The following CPNE4 variants were observed in gnomAD, a reference collection of about 807,000 sequenced individuals.
CPNE4 encodes the protein copine 4.
Under a neutral mutation model 67.9 loss-of-function variants are expected in CPNE4, and 25 were observed. That is an observed-to-expected ratio of 0.37 (90% CI 0.27 to 0.51). CPNE4 has a LOEUF of 0.51. Among genes scored for constraint, CPNE4 ranks in the 20% least tolerant of loss-of-function variants. CPNE4 has a pLI of 0.93. For synonymous variants in CPNE4, 242 were observed against 244.9 expected (o/e 0.99, Z 0.11); for missense variants, 464 against 690.8 (o/e 0.67, Z 3.68).
chr3:131,871,982 C>T (rs1583377019), intron 2 of CPNE4, among the ~76,000 whole-genome samples: 1 of 152,262 alleles, frequency 6.6e-6, no homozygotes, highest in Admixed American at 6.5e-5. Context: ...TCCTGCCCCA[C>T]ATATCCTTCT....
intron 2 of CPNE4, among the ~76,000 whole-genome samples, chr3:131,826,360 T>TA (rs891420380): frequency 9.3e-5 from 14 of 150,510 alleles, no homozygotes; most frequent in African/African-American, 1.2e-4. Context: ...CCTGGTTAAT[T>TA]AAAAAAAAAA....
chr3:131,890,337 T>C (rs1275828887), intron 2 of CPNE4, among the ~76,000 whole-genome samples: 1 of 151,738 alleles, frequency 6.6e-6, no homozygotes, highest in Non-Finnish European at 1.5e-5. Context: ...TATAAAAACG[T>C]GCTTAACATC....
upstream of CPNE4, among the ~76,000 whole-genome samples, chr3:132,037,060 C>T (rs2074352286): frequency 6.6e-6 from 1 of 152,134 alleles, no homozygotes; most frequent in East Asian, 1.9e-4. Context: ...GAAGCAGTCT[C>T]TAAAGGGGCA....
chr3:131,557,039 C>G (rs1582791218), intron 11 of CPNE4, among the ~76,000 whole-genome samples: 1 of 151,966 alleles, frequency 6.6e-6, no homozygotes, highest in South Asian at 2.1e-4. Context: ...AAGCCCATAC[C>G]TTTCTGTTAT....
At chr3:131,921,780 C>T (rs192873982) in intron 1 of CPNE4, among the ~76,000 whole-genome samples, 16 of 152,234 alleles carry the variant, frequency 1.1e-4, no homozygotes, top group African/African-American at 3.9e-4. Context: ...AAAGAGAGTT[C>T]TGCAAGTAGA....
At chr3:131,694,675 G>A (rs2081109418) in intron 5 of CPNE4, among the ~76,000 whole-genome samples, 2 of 152,264 alleles carry the variant, frequency 1.3e-5, no homozygotes, top group Middle Eastern at 3.4e-3. Flanking sequence ...TCTAAAGGAA[G>A]TGTGACTACC....
intron 6 of CPNE4, 58 bp downstream of exon 6, chr3:131,685,817 T>C (rs1035241004): frequency 8.7e-7 from 1 of 1,153,970 alleles, no homozygotes; most frequent in Admixed American, 2.0e-5. Context: ...TTTCTCAAAA[T>C]AGGTCAATTT....
chr3:131,936,890 A>T lies in CPNE4; in HGVS notation c.-1-31446T>A, dbSNP rs190751516. On this transcript the variant is annotated intron_variant, in intron 1 of 15. Transcript: ENST00000429747. ...GAAGGGAAAAAACCAGAGACAAAGG[A>T]GAAATTTTAAAAGACACTAGAAGAG... Among the ~76,000 whole-genome samples the T allele has an allele frequency of 2.0e-3, 304 of 152,028 alleles. 3 individuals are homozygous for T. Among genetic ancestry groups the T allele is most frequent in the Non-Finnish European group, 4.6e-4 (31 of 67,948 alleles).
chr3:131,743,850 C>G (rs1235133899), intron 2 of CPNE4, among the ~76,000 whole-genome samples: 3 of 149,354 alleles, frequency 2.0e-5, no homozygotes, highest in Non-Finnish European at 4.4e-5. Context: ...GTAGTCCCAG[C>G]TACTCGGGAG....
At chr3:131,771,486 A>G (rs369013431) in intron 2 of CPNE4, among the ~76,000 whole-genome samples, 2 of 152,052 alleles carry the variant, frequency 1.3e-5, no homozygotes, top group African/African-American at 4.8e-5. Flanking sequence ...GTAACTTCCC[A>G]TAAGAGCTGA....
At chr3:131,918,717 GTT>G (rs927570974) in intron 1 of CPNE4, among the ~76,000 whole-genome samples, 1 of 152,002 alleles carries the variant, frequency 6.6e-6, no homozygotes, top group Non-Finnish European at 1.5e-5. Context: ...ACATAAAACA[GTT>G]TTTTTGTAAC....
chr3:131,850,138 A>T (rs1012714246), intron 2 of CPNE4, among the ~76,000 whole-genome samples: 3 of 152,132 alleles, frequency 2.0e-5, no homozygotes, highest in Admixed American at 1.3e-4. Context: ...CTGAATTTTA[A>T]AACATTTTTA....
At chr3:131,894,728 T>A (rs2088254950) in intron 2 of CPNE4, among the ~76,000 whole-genome samples, 1 of 151,910 alleles carries the variant, frequency 6.6e-6, no homozygotes, top group Admixed American at 6.6e-5. Context: ...TTGGCAAGGA[T>A]GTAAAGAAGA....
At chr3:131,815,355 T>A (rs1457934588) in intron 2 of CPNE4, among the ~76,000 whole-genome samples, 1 of 152,042 alleles carries the variant, frequency 6.6e-6, no homozygotes, top group Non-Finnish European at 1.5e-5. Context: ...GAAAATGGGG[T>A]TAACTTTAGG....
At chr3:131,567,314 G>C (rs552130396) in intron 10 of CPNE4, among the ~76,000 whole-genome samples, 2 of 152,008 alleles carry the variant, frequency 1.3e-5, no homozygotes, top group African/African-American at 4.8e-5. Flanking sequence ...ATCTGAGCCA[G>C]AGTATATCAC....
At chr3:131,690,941 A>G (rs1410891624) in intron 5 of CPNE4, among the ~76,000 whole-genome samples, 10 of 152,204 alleles carry the variant, frequency 6.6e-5, no homozygotes, top group African/African-American at 2.4e-4. Context: ...TGGTCAACAT[A>G]CATATGAAAA....
intron 1 of CPNE4, among the ~76,000 whole-genome samples, chr3:131,918,291 A>C (rs2070633501): frequency 6.6e-6 from 1 of 152,184 alleles, no homozygotes; most frequent in African/African-American, 2.4e-5. Context: ...GTTCAGTTTG[A>C]GTCCCTTAAT....
intron 3 of CPNE4, 64 bp from the exon 4 acceptor site, chr3:131,700,044 T>C (rs1373569491): frequency 9.9e-7 from 1 of 1,005,184 alleles, no homozygotes; most frequent in Non-Finnish European, 1.5e-6. Context: ...TGTAGATCTA[T>C]TTTTTAAACC....
intron 10 of CPNE4, among the ~76,000 whole-genome samples, chr3:131,570,142 G>T (rs1937259273): frequency 6.6e-6 from 1 of 151,430 alleles, no homozygotes; most frequent in Non-Finnish European, 1.5e-5. Context: ...AAATATCATA[G>T]TATTTAAAGG....
Sources: gnomAD v4.1 joint callset for allele counts (sites outside exome capture counted in the v4.1 genomes callset) on GRCh38, gnomAD v4.1.1 for gene constraint, MANE v1.5 for transcripts, NCBI Gene and HGNC (gene_info 2026-07-23, HGNC 2026-07-21) for gene names.